SUN2: variants seen among roughly 807,000 people sequenced by gnomAD.
SUN2 encodes the protein Sad1 and UNC84 domain containing 2, also known as SUN domain-containing protein 2.
Under a neutral mutation model 100.0 loss-of-function variants are expected in SUN2, and 60 were observed. The ratio of observed to expected loss-of-function variants is 0.60; its 90% CI spans 0.49 to 0.74. The LOEUF (loss-of-function observed/expected upper bound fraction) is 0.74. Among genes scored for constraint, SUN2 ranks in the 30% least tolerant of loss-of-function variants. SUN2 has a pLI of 0.00. For synonymous variants in SUN2, 367 were observed against 403.3 expected, an observed-to-expected ratio of 0.91 and a Z score of 1.08; for missense variants, 834 against 954.6, an observed-to-expected ratio of 0.87 and a Z score of 1.66.
chr22:38,740,453 G>C lies in SUN2; in HGVS notation c.1191-21C>G. Reference sequence around the variant, plus strand: ...TCATGCTGGTCCCAGAGAGAGAAGAGTAAGCCTCGGATCTCTTTGGTGGGA... The same window carrying C: ...TCATGCTGGTCCCAGAGAGAGAAGACTAAGCCTCGGATCTCTTTGGTGGGA... On this transcript the variant is annotated intron_variant, in intron 11 of 17. Coordinates refer to ENST00000689035, the MANE Select transcript of SUN2 (RefSeq NM_015374.3). The surrounding 1 kb of genome is among the most constrained non-coding windows in gnomAD (Gnocchi z 4.8). The C allele has an allele frequency of 6.8e-7, 1 of 1,461,216 alleles. No individual in the cohort carries two copies. Among genetic ancestry groups the C allele is most frequent in the Non-Finnish European group, 9.1e-7 (1 of 1,098,482 alleles). 90.5% of individuals were successfully genotyped at this position (1,461,216 alleles called of 1,614,324 possible). A position where few individuals can be genotyped will look rare whatever the true frequency, so the allele number is the denominator to read the frequency against.
In SUN2 at chr22:38,737,564, C is replaced by T. The variant is rs1569293613; in HGVS notation, c.2040+609G>A. ...CCCCAGGTCCCTGAGGGCTTATTTC[C>T]TGCCTCTCTGTGGCCTCCTCTTCCT... is the stretch of plus-strand genomic sequence containing the variant. On this transcript the variant is annotated intron_variant, in intron 17 of 17. Coordinates refer to ENST00000689035, the MANE Select transcript of SUN2 (RefSeq NM_015374.3). The surrounding 1 kb of genome is among the most constrained non-coding windows in gnomAD (Gnocchi z 4.1). 6.6e-6 allele frequency among the ~76,000 whole-genome samples: 1 copy of T among 152,182 alleles called. No homozygotes were observed. Among genetic ancestry groups the T allele is most frequent in the Admixed American group, 6.5e-5 (1 of 15,278 alleles).
Position 38,740,117 on chromosome 22 carries a change from TGAGA to T in SUN2, c.1356+146_1356+149del. On this transcript the variant is annotated intron_variant, in intron 12 of 17. Coordinates refer to ENST00000689035, the MANE Select transcript of SUN2 (RefSeq NM_015374.3). The surrounding 1 kb of genome is among the most constrained non-coding windows in gnomAD (Gnocchi z 4.8). ...CAAAAACAGGAAGAACGCCTGTCAG[TGAGA>T]GCCCACATGTGTCAAGGCCAACGCC... is the stretch of plus-strand genomic sequence containing the variant. 8.1e-7 allele frequency: 1 copy of T among 1,240,756 alleles called. No homozygotes were observed. The highest frequency in any genetic ancestry group is 1.1e-6 in the Non-Finnish European group (1 of 918,008). 76.9% of individuals were successfully genotyped at this position (1,240,756 alleles called of 1,614,324 possible). A position where few individuals can be genotyped will look rare whatever the true frequency, so the allele number is the denominator to read the frequency against.
chr22:38,739,036 C>A lies in SUN2; in HGVS notation c.1664-48G>T. 1.3e-6 allele frequency: 2 copies of A among 1,549,322 alleles called. No individual in the cohort carries two copies. The highest frequency in any genetic ancestry group is 1.8e-6 in the Non-Finnish European group (2 of 1,140,532). ...GGTGGGCTCCCGCACGGGAGGAGGG[C>A]CCCGCTCAGGCCATTGGCTGTCTCC... On this transcript the variant is annotated intron_variant, in intron 14 of 17. Transcript: ENST00000689035. This position sits in a 1 kb window ranked among gnomAD's most constrained non-coding sequence, Gnocchi z 6.7.
At chr22:38,754,978 T>C (rs1215336330) in intron 1 of SUN2, 1 of 1,288,826 alleles carries the variant, frequency 7.8e-7, no homozygotes, top group African/African-American at 1.5e-5. Context: ...GGAGCTGAAA[T>C]CTACTACTGC....
intron 7 of SUN2, among the ~76,000 whole-genome samples, chr22:38,746,895 G>A (rs993923260): frequency 3.3e-5 from 5 of 152,128 alleles, no homozygotes; most frequent in African/African-American, 7.2e-5. Flanking sequence ...TTAGCCAGGC[G>A]TGGTGGCGGC....
chr22:38,751,140 G>A (rs1412581072), intron 3 of SUN2, 70 bp downstream of exon 3: 3 of 1,607,464 alleles, frequency 1.9e-6, no homozygotes, highest in Non-Finnish European at 1.7e-6. Flanking sequence ...GGACTGCAGG[G>A]GACACTGTGA....
At chr22:38,742,692 CGGCTGGAGCTCGTGGGCAGG>C in intron 8 of SUN2, 137 bp from the exon 9 acceptor site, 3 of 1,188,136 alleles carry the variant, frequency 2.5e-6, no homozygotes, top group Non-Finnish European at 3.4e-6. Flanking sequence ...CATGCAGGGC[CGGCTGGAGCTCGTGGGCAGG>C]GGCTGCCGAC....
chr22:38,741,460 A>G, intron 10 of SUN2, 34 bp downstream of exon 10: 2 of 1,600,274 alleles, frequency 1.2e-6, no homozygotes, highest in Non-Finnish European at 1.7e-6. Context: ...GTCAGGACCC[A>G]GTCACAGGCC....
rs1443328606 is a variant in SUN2 at position 38,740,466 on chromosome 22, C to A, written c.1191-34G>T. On this transcript the variant is annotated intron_variant, in intron 11 of 17. Transcript: ENST00000689035. The surrounding 1 kb of genome is among the most constrained non-coding windows in gnomAD (Gnocchi z 4.8). ...AGAGAGAGAAGAGTAAGCCTCGGAT[C>A]TCTTTGGTGGGAGGTAAGGCCACAC... The A allele has an allele frequency of 6.9e-7, 1 of 1,440,050 alleles. No homozygotes were observed. The highest frequency in any genetic ancestry group is 2.6e-5 in the East Asian group (1 of 38,680). The allele number at this position is 1,440,050 out of a possible 1,614,324, so 89.2% of individuals were successfully genotyped here.
chr22:38,753,762 G>C (rs949226199), intron 1 of SUN2, among the ~76,000 whole-genome samples: 4 of 152,148 alleles, frequency 2.6e-5, no homozygotes, highest in African/African-American at 4.8e-5. Flanking sequence ...GAAGAACCTG[G>C]ACACTGAGGC....
intron 9 of SUN2, among the ~76,000 whole-genome samples, 191 bp from the exon 10 acceptor site, chr22:38,741,762 G>A (rs1452824952): frequency 1.3e-5 from 2 of 152,216 alleles, no homozygotes; most frequent in Admixed American, 1.3e-4. Flanking sequence ...CAGGTACCAT[G>A]CTGGGGCTTT....
chr22:38,745,182 G>A (rs370473399), intron 8 of SUN2: 40 of 470,988 alleles, frequency 8.5e-5, no homozygotes, highest in African/African-American at 4.4e-4. Flanking sequence ...CTAGCCTGCC[G>A]GGTGAGCAAA....
At position 38,749,862 on chromosome 22, in the gene SUN2, G is replaced by A. The variant is rs1201573904; in HGVS notation, c.521-3C>T. The stretch of plus-strand genomic sequence containing the variant: ...GTAGAGAAGTCTGAAGAGCCGGCCT[G>A]GAAGAATGACCATCAAGCCGAAGGC... On this transcript the variant is annotated splice_polypyrimidine_tract_variant and splice_region_variant and intron_variant, in intron 5 of 17. Coordinates refer to ENST00000689035, the MANE Select transcript of SUN2 (RefSeq NM_015374.3). The A allele has an allele frequency of 1.2e-6, 2 of 1,612,188 alleles. No individual in the cohort carries two copies. Among genetic ancestry groups the A allele is most frequent in the South Asian group, 2.2e-5 (2 of 90,844 alleles).
Position 38,740,118 on chromosome 22 carries a change from G to C in SUN2, c.1356+149C>G. ...AAAAACAGGAAGAACGCCTGTCAGT[G>C]AGAGCCCACATGTGTCAAGGCCAAC... On this transcript the variant is annotated intron_variant, in intron 12 of 17. Transcript: ENST00000689035. This position sits in a 1 kb window ranked among gnomAD's most constrained non-coding sequence, Gnocchi z 4.8. The C allele has an allele frequency of 2.4e-6, 3 of 1,238,092 alleles. No homozygotes were observed. Among genetic ancestry groups the C allele is most frequent in the Non-Finnish European group, 3.3e-6 (3 of 915,434 alleles). 76.7% of individuals were successfully genotyped at this position (1,238,092 alleles called of 1,614,324 possible).
At chr22:38,747,409 G>A (rs2092912797) in intron 7 of SUN2, among the ~76,000 whole-genome samples, 1 of 151,802 alleles carries the variant, frequency 6.6e-6, no homozygotes, top group East Asian at 1.9e-4. Flanking sequence ...TGAACCAGCT[G>A]TTCTTGTAGC....
rs1040308448 is a variant in SUN2, at chr22:38,738,415, C to T, written c.1948-150G>A. 2.9e-5 allele frequency: 33 copies of T among 1,131,718 alleles called. 1 individual carries two copies. Among genetic ancestry groups the T allele is most frequent in the Non-Finnish European group, 4.0e-5 (32 of 790,766 alleles). 70.1% of individuals were successfully genotyped at this position (1,131,718 alleles called of 1,614,324 possible). ...CTCTCTTGTGCCACAGTTTCTGCCT[C>T]CAAAGCCTAAGGTAACAGGGACTGA... On this transcript the variant is annotated intron_variant, in intron 16 of 17. Transcript: ENST00000689035. This position sits in a 1 kb window ranked among gnomAD's most constrained non-coding sequence, Gnocchi z 6.6.
intron 2 of SUN2, among the ~76,000 whole-genome samples, chr22:38,751,805 G>A (rs1223860932): frequency 3.9e-5 from 6 of 152,192 alleles, no homozygotes; most frequent in African/African-American, 1.4e-4. Flanking sequence ...AGCTGCTGAG[G>A]CCGGACAGGT....
At position 38,736,303 on chromosome 22, in the gene SUN2, G is replaced by T; in HGVS notation, c.2118C>A (p.Ile706=). Residue 706 remains isoleucine (I), a synonymous_variant, in exon 18 of 18, where the codon ATC becomes ATA. Coordinates refer to ENST00000689035, the MANE Select transcript of SUN2 (RefSeq NM_015374.3). ...TNWGHPEYTC[I]YRFRVHGEPA... is the part of the protein sequence containing the mutation. ...GCTCCCCATGCACTCTGAAGCGGTAGATGCAGGTGTACTCGGGGTGGCCCC... is the reference window on the plus strand; with the variant it reads ...GCTCCCCATGCACTCTGAAGCGGTATATGCAGGTGTACTCGGGGTGGCCCC... 1 of 1,614,044 alleles carries T rather than the reference G, an allele frequency of 6.2e-7. No individual in the cohort carries two copies. Among genetic ancestry groups the T allele is most frequent in the Admixed American group, 1.7e-5 (1 of 60,010 alleles).
In SUN2 at chr22:38,739,084, GC is replaced by G; in HGVS notation, c.1664-97del. ...TCCTCGCTGAAGGTGGACGGCAGAT[GC>G]CCCAGGCCTAGCCTTTAACCCTAAC... is the stretch of plus-strand genomic sequence containing the variant. On this transcript the variant is annotated intron_variant, in intron 14 of 17. Transcript: ENST00000689035. The surrounding 1 kb of genome is among the most constrained non-coding windows in gnomAD (Gnocchi z 6.7). 1 of 1,249,418 alleles carries G rather than the reference GC, an allele frequency of 8.0e-7. No homozygotes were observed. Among genetic ancestry groups the G allele is most frequent in the Non-Finnish European group, 1.1e-6 (1 of 875,524 alleles). The allele number at this position is 1,249,418 out of a possible 1,614,324, so 77.4% of individuals were successfully genotyped here. A position where few individuals can be genotyped will look rare whatever the true frequency, so the allele number is the denominator to read the frequency against.
Sources: gnomAD v4.1 joint callset for allele counts (sites outside exome capture counted in the v4.1 genomes callset) on GRCh38, gnomAD v4.1.1 for gene constraint, Gnocchi (gnomAD v3.1) non-coding constraint, MANE v1.5 for transcripts, NCBI Gene and HGNC (gene_info 2026-07-23, HGNC 2026-07-21) for gene names.